PEX1: variants seen among roughly 807,000 people sequenced by gnomAD.
PEX1 encodes the protein peroxisomal biogenesis factor 1.
In PEX1, 97 loss-of-function variants were observed where a neutral mutation model predicts 152.5. The observed-to-expected ratio is 0.64, with a 90% CI of 0.54 to 0.75. PEX1 has a LOEUF of 0.75. Among genes scored for constraint, PEX1 ranks in the 30% least tolerant of loss-of-function variants. The pLI, the probability that PEX1 is intolerant of heterozygous loss-of-function variation, is 0.00. For missense variants in PEX1, 1,357 were observed against 1,516.3 expected (o/e 0.89, Z 1.74); for synonymous variants, 485 against 531.6 (o/e 0.91, Z 1.21).
chr7:92,499,188 A>G (rs1252960874), intron 16 of PEX1, among the ~76,000 whole-genome samples: 1 of 152,202 alleles, frequency 6.6e-6, no homozygotes, highest in South Asian at 2.1e-4. Flanking sequence ...GAATTACCCT[A>G]AGACCCAAGA....
At position 92,506,779 on chromosome 7, in the gene PEX1, G is replaced by C. The variant is rs185939379; in HGVS notation, c.1803+215C>G. On this transcript the variant is annotated intron_variant, in intron 10 of 23. Coordinates refer to ENST00000248633, the MANE Select transcript of PEX1 (RefSeq NM_000466.3). ...TCAACTGACACAGAAAAAGGGCATG[G>C]AGAACATCAGTCTTATTCGTCATCA... 1.9e-5 allele frequency: 11 copies of C among 584,566 alleles called. No homozygotes were observed. The East Asian group carries it at 3.2e-4, about 17-fold the overall frequency. The allele number at this position is 584,566 out of a possible 1,614,324, so 36.2% of individuals were successfully genotyped here. A position where few individuals can be genotyped will look rare whatever the true frequency, so the allele number is the denominator to read the frequency against.
chr7:92,521,135 A>T (rs1034065632), intron 2 of PEX1, among the ~76,000 whole-genome samples: 1 of 150,454 alleles, frequency 6.6e-6, no homozygotes, highest in Non-Finnish European at 1.5e-5. Flanking sequence ...AATTTTTTTA[A>T]TTTTTTTATA....
intron 1 of PEX1, 29 bp from the exon 2 acceptor site, chr7:92,522,274 A>G: frequency 6.2e-7 from 1 of 1,608,572 alleles, no homozygotes; most frequent in Non-Finnish European, 8.5e-7. Context: ...AGAGGAAAAA[A>G]GGTTTTCGTA....
intron 20 of PEX1, among the ~76,000 whole-genome samples, chr7:92,492,372 C>T (rs138622705): frequency 2.7e-4 from 41 of 152,286 alleles, no homozygotes; most frequent in African/African-American, 9.6e-4. Context: ...ACAGTTTGTG[C>T]AACCATGATT....
chr7:92,516,555 CTCTT>C (rs563930062), intron 5 of PEX1, among the ~76,000 whole-genome samples: 105 of 152,240 alleles, frequency 6.9e-4, no homozygotes, highest in African/African-American at 2.4e-3. Flanking sequence ...AGACAACCTT[CTCTT>C]TCTATTTTAT....
chr7:92,504,782 G>A lies in PEX1; in HGVS notation c.2021C>T (p.Pro674Leu), dbSNP rs141509344. The change falls in exon 12 of 24, where the codon CCG (proline) becomes CTG (leucine). Residue 674 changes from proline (P) to leucine (L), a missense_variant. Coordinates refer to ENST00000248633, the MANE Select transcript of PEX1 (RefSeq NM_000466.3). ...CGCATCAGGACTGTGCTCATGTTCC[G>A]GGACAGCAGGCAGTCCAGCAATGAG... Reference protein sequence around the residue: ...LDLIAGLPAVPEHEHSPDAVQ... With the variant: ...LDLIAGLPAVLEHEHSPDAVQ... 1.0e-4 allele frequency: 168 copies of A among 1,613,988 alleles called. 1 individual carries two copies. Among genetic ancestry groups the A allele is most frequent in the Non-Finnish European group, 1.2e-4 (147 of 1,180,020 alleles).
intron 6 of PEX1, among the ~76,000 whole-genome samples, chr7:92,511,955 A>G (rs1792488655): frequency 6.6e-6 from 1 of 152,236 alleles, no homozygotes; most frequent in African/African-American, 2.4e-5. Flanking sequence ...CCAGTGATAC[A>G]TCTACCATAA....
At chr7:92,508,821 T>C (rs1207843200) in intron 9 of PEX1, among the ~76,000 whole-genome samples, 2 of 152,144 alleles carry the variant, frequency 1.3e-5, no homozygotes, top group African/African-American at 2.4e-5. Flanking sequence ...TTTTTAAATA[T>C]TTGTTTTAAA....
chr7:92,525,355 AG>A (rs1220121398), intron 1 of PEX1, among the ~76,000 whole-genome samples: 1 of 152,256 alleles, frequency 6.6e-6, no homozygotes, highest in Non-Finnish European at 1.5e-5. Context: ...TCCAAAGCCT[AG>A]GGTATCTCTT....
intron 20 of PEX1, 89 bp from the exon 21 acceptor site, chr7:92,491,591 G>A: frequency 1.3e-6 from 1 of 790,372 alleles, no homozygotes; most frequent in South Asian, 1.5e-5. Flanking sequence ...TTCTATTAGA[G>A]CAATACAAGA....
At chr7:92,517,012 C>T (rs1483755997) in intron 5 of PEX1, among the ~76,000 whole-genome samples, 1 of 152,182 alleles carries the variant, frequency 6.6e-6, no homozygotes, top group Non-Finnish European at 1.5e-5. Context: ...ACTAGCTATG[C>T]AATCTCAGGC....
At chr7:92,519,114 A>T (rs1408014522) in intron 2 of PEX1, 36 bp from the exon 3 acceptor site, 2 of 1,226,914 alleles carry the variant, frequency 1.6e-6, no homozygotes, top group Non-Finnish European at 2.4e-6. Flanking sequence ...TACTTTAAAA[A>T]AACTTTTCTG....
chr7:92,491,106 G>A, intron 21 of PEX1, 166 bp downstream of exon 21: 1 of 595,202 alleles, frequency 1.7e-6, no homozygotes, highest in Non-Finnish European at 3.0e-6. Flanking sequence ...TCTTAACAAG[G>A]AATGCAAATT....
At chr7:92,521,630 T>G (rs1399408500) in intron 2 of PEX1, among the ~76,000 whole-genome samples, 1 of 151,250 alleles carries the variant, frequency 6.6e-6, no homozygotes, top group Non-Finnish European at 1.5e-5. Flanking sequence ...AGAGGGGGGG[T>G]TTCACCACGT....
intron 20 of PEX1, 21 bp from the exon 21 acceptor site, chr7:92,491,523 A>G (rs1791321644): frequency 1.4e-6 from 2 of 1,428,960 alleles, no homozygotes; most frequent in Admixed American, 1.7e-5. Flanking sequence ...CAAAAGGACA[A>G]CCAGTTTAAA....
At position 92,489,784 on chromosome 7, in the gene PEX1, G is replaced by T; in HGVS notation, c.3566C>A (p.Thr1189Lys). ...TASQEGCQELTQEQRDQLRAD... is the reference protein window; with the variant it reads ...TASQEGCQELKQEQRDQLRAD... ...CCTCAGTTGATCTCTTTGTTCTTGTGTAAGTTCTTGGCAACCCTCTTGTGA... is the reference window on the plus strand; with the variant it reads ...CCTCAGTTGATCTCTTTGTTCTTGTTTAAGTTCTTGGCAACCCTCTTGTGA... Residue 1189 changes from threonine (T) to lysine (K), a missense_variant, in exon 22 of 24, where the codon ACA (threonine) becomes AAA (lysine). Coordinates refer to ENST00000248633, the MANE Select transcript of PEX1 (RefSeq NM_000466.3). 1.9e-6 allele frequency: 3 copies of T among 1,614,084 alleles called. No individual in the cohort carries two copies. Among genetic ancestry groups the T allele is most frequent in the Non-Finnish European group, 2.5e-6 (3 of 1,180,002 alleles).
chr7:92,494,600 A>G lies in PEX1; in HGVS notation c.2813T>C (p.Phe938Ser). The G allele has an allele frequency of 6.2e-7, 1 of 1,614,074 alleles. No homozygotes were observed. Among genetic ancestry groups the G allele is most frequent in the Non-Finnish European group, 8.5e-7 (1 of 1,179,938 alleles). ...RAQAAKPCIL[F>S]FDEFESIAPR... is the part of the protein sequence containing the mutation. Reference sequence around the variant, plus strand: ...AGCAATGGATTCAAATTCATCAAAGAAAAGAATGCAGGGCTTTGCAGCCTG... The same window carrying G: ...AGCAATGGATTCAAATTCATCAAAGGAAAGAATGCAGGGCTTTGCAGCCTG... The change falls in exon 18 of 24, where the codon TTC becomes TCC. Residue 938 changes from phenylalanine (F) to serine (S), a missense_variant. Physicochemically the swap from Phe to Ser is radical, Grantham distance 155. Transcript: ENST00000248633.
chr7:92,525,617 T>C (rs1013951770), intron 1 of PEX1, among the ~76,000 whole-genome samples: 7 of 152,102 alleles, frequency 4.6e-5, no homozygotes, highest in Non-Finnish European at 7.4e-5. Flanking sequence ...GTCTACTGGA[T>C]AGAGGCCAAG....
At chr7:92,499,865 A>C (rs1456845584) in intron 15 of PEX1, 27 bp from the exon 16 acceptor site, 1 of 1,578,712 alleles carries the variant, frequency 6.3e-7, no homozygotes, top group East Asian at 2.2e-5. Flanking sequence ...AAAAATATGA[A>C]AAAGAGCTCA....
Sources: allele counts gnomAD v4.1 joint callset (sites outside exome capture counted in the v4.1 genomes callset), GRCh38; gene constraint gnomAD v4.1.1; transcripts MANE v1.5; gene names NCBI Gene and HGNC (gene_info 2026-07-23, HGNC 2026-07-21).